The following EIPR1 variants were observed in gnomAD, a reference collection of about 807,000 sequenced individuals.
EIPR1 encodes the protein EARP and GARP complex-interacting protein 1.
A neutral mutation model predicts 48.1 loss-of-function variants in EIPR1; 25 were observed. The observed-to-expected ratio is 0.52, with a 90% CI of 0.38 to 0.73. EIPR1 has a LOEUF of 0.73. Ranked by LOEUF, EIPR1 falls within the 30% of genes least tolerant of loss-of-function variation. The pLI is 0.00. For missense variants in EIPR1, 415 were observed against 506.2 expected (o/e 0.82, Z 1.73); for synonymous variants, 204 against 201.9 (o/e 1.01, Z -0.09).
intron 1 of EIPR1, among the ~76,000 whole-genome samples, chr2:3,376,534 T>C (rs1659890463): frequency 6.6e-6 from 1 of 151,984 alleles, no homozygotes; most frequent in African/African-American, 2.4e-5. Context: ...CTACTAAAAA[T>C]ACAAAAATTA....
At chr2:3,219,627 G>A (rs1255201135) in intron 4 of EIPR1, among the ~76,000 whole-genome samples, 1 of 143,148 alleles carries the variant, frequency 7.0e-6, no homozygotes, top group Non-Finnish European at 1.5e-5. Flanking sequence ...CAGTGAGTCA[G>A]GTGCACACTC....
chr2:3,238,732 GA>G (rs1399607326), intron 4 of EIPR1, among the ~76,000 whole-genome samples: 1 of 152,248 alleles, frequency 6.6e-6, no homozygotes, highest in Non-Finnish European at 1.5e-5. Context: ...TGCAGTCTCT[GA>G]ATTACATGAG....
intron 3 of EIPR1, among the ~76,000 whole-genome samples, chr2:3,304,118 C>G (rs1020770744): frequency 1.3e-5 from 2 of 152,218 alleles, no homozygotes; most frequent in African/African-American, 2.4e-5. Flanking sequence ...GGGCTGGAAA[C>G]GCCCAGGCAC....
In EIPR1 at chr2:3,319,726, C is replaced by G. The variant is rs1669441857; in HGVS notation, c.259+18291G>C. The G allele has an allele frequency of 4.9e-5, 8 of 163,046 alleles. No homozygotes were observed. The Admixed American group carries it at 5.5e-4, about 11-fold the overall frequency. 10.1% of individuals were successfully genotyped at this position (163,046 alleles called of 1,614,324 possible). A position where few individuals can be genotyped will look rare whatever the true frequency, so the allele number is the denominator to read the frequency against. On this transcript the variant is annotated intron_variant, in intron 3 of 8. Coordinates refer to ENST00000382125, the MANE Select transcript of EIPR1 (RefSeq NM_003310.5). The stretch of plus-strand genomic sequence containing the variant: ...CTGCAGGCAACACCACCCCTGCAGG[C>G]AGAGCAATACCACACCTGCGGGCAA...
At chr2:3,343,930 G>A (rs531250535) in intron 2 of EIPR1, among the ~76,000 whole-genome samples, 35 of 152,294 alleles carry the variant, frequency 2.3e-4, no homozygotes, top group Non-Finnish European at 2.9e-4. Context: ...GGCCAGGCAC[G>A]GTGGCTCACA....
chr2:3,338,409 TAAAG>T (rs1285470504), intron 2 of EIPR1, among the ~76,000 whole-genome samples: 1 of 152,208 alleles, frequency 6.6e-6, no homozygotes, highest in Admixed American at 6.5e-5. Flanking sequence ...TATCCAGTCT[TAAAG>T]AAATAAGGCA....
At chr2:3,219,522 A>T (rs1665791042) in intron 4 of EIPR1, among the ~76,000 whole-genome samples, 1 of 151,464 alleles carries the variant, frequency 6.6e-6, no homozygotes, top group Non-Finnish European at 1.5e-5. Context: ...ACAGTGAGTC[A>T]GGTGCACACC....
intron 4 of EIPR1, among the ~76,000 whole-genome samples, chr2:3,217,006 A>G (rs1665661459): frequency 6.6e-6 from 1 of 152,210 alleles, no homozygotes; most frequent in Admixed American, 6.5e-5. Context: ...TCGGAAGACA[A>G]GTGTGCCCTT....
At chr2:3,335,179 C>T (rs1423911921) in intron 3 of EIPR1, among the ~76,000 whole-genome samples, 1 of 152,078 alleles carries the variant, frequency 6.6e-6, no homozygotes, top group Admixed American at 6.5e-5. Flanking sequence ...CAGTGCGCTA[C>T]GAAGCTACAG....
chr2:3,265,699 G>A (rs1667465410), intron 3 of EIPR1, among the ~76,000 whole-genome samples: 1 of 152,172 alleles, frequency 6.6e-6, no homozygotes, highest in African/African-American at 2.4e-5. Flanking sequence ...CAGCAGCACT[G>A]CCCACAGAAA....
chr2:3,303,990 AC>A (rs1423623833), intron 3 of EIPR1, among the ~76,000 whole-genome samples: 5 of 152,260 alleles, frequency 3.3e-5, no homozygotes, highest in Admixed American at 6.5e-5. Context: ...GATTTACAGT[AC>A]TTGTTGCATG....
intron 7 of EIPR1, 70 bp downstream of exon 7, chr2:3,193,929 A>G: frequency 6.4e-7 from 1 of 1,553,404 alleles, no homozygotes. Context: ...TGTCTTTCCC[A>G]ATGGTAAAGT....
intron 3 of EIPR1, chr2:3,319,158 G>A (rs192137634): frequency 2.7e-5 from 9 of 339,620 alleles, no homozygotes; most frequent in Admixed American, 7.6e-5. Context: ...TCCATCCTGC[G>A]TGACAAAAAC....
chr2:3,350,118 A>C (rs1249979876), intron 2 of EIPR1, among the ~76,000 whole-genome samples: 1 of 2,104 alleles, frequency 4.8e-4, no homozygotes, highest in African/African-American at 2.2e-3. Context: ...ACTCTGTCTC[A>C]AAAAAAAAAA....
At chr2:3,247,396 T>C (rs1239301332) in intron 4 of EIPR1, among the ~76,000 whole-genome samples, 2 of 152,122 alleles carry the variant, frequency 1.3e-5, no homozygotes, top group Admixed American at 1.3e-4. Context: ...TGGAAAACCA[T>C]AAAATTACCC....
At chr2:3,247,929 T>C (rs1484374012) in intron 4 of EIPR1, among the ~76,000 whole-genome samples, 1 of 152,196 alleles carries the variant, frequency 6.6e-6, no homozygotes, top group African/African-American at 2.4e-5. Context: ...ATTCTTCTTA[T>C]TTATCTATAG....
intron 6 of EIPR1, among the ~76,000 whole-genome samples, chr2:3,195,823 C>T (rs1446557350): frequency 2.6e-5 from 4 of 152,320 alleles, no homozygotes; most frequent in African/African-American, 7.2e-5. Context: ...CTCTGTGCTG[C>T]GCTGGCACGT....
intron 3 of EIPR1, among the ~76,000 whole-genome samples, chr2:3,288,672 C>T (rs948615664): frequency 3.3e-5 from 5 of 152,196 alleles, no homozygotes; most frequent in African/African-American, 7.2e-5. Context: ...CTTTGCCAAA[C>T]GTGAAGATCC....
chr2:3,194,834 GC>G (rs1558213959), intron 6 of EIPR1, among the ~76,000 whole-genome samples: 2 of 152,124 alleles, frequency 1.3e-5, no homozygotes. Context: ...TGCCAGCTGG[GC>G]TTGCCATTCC....
Sources: gnomAD v4.1 joint callset for allele counts (sites outside exome capture counted in the v4.1 genomes callset) on GRCh38, gnomAD v4.1.1 for gene constraint, MANE v1.5 for transcripts, NCBI Gene and HGNC (gene_info 2026-07-23, HGNC 2026-07-21) for gene names.